Variants in WFDC2 observed in about 807,000 individuals in gnomAD.
WFDC2 encodes WAP four-disulfide core domain 2, also known as WAP four-disulfide core domain protein 2.
Under a neutral mutation model 12.5 loss-of-function variants are expected in WFDC2, and 8 were observed. That is an observed-to-expected ratio of 0.64 (90% CI 0.37 to 1.15). WFDC2 has a LOEUF of 1.15. Ranked by LOEUF, WFDC2 falls within the 50% of genes most tolerant of loss-of-function variation. The pLI, the probability that WFDC2 is intolerant of heterozygous loss-of-function variation, is 0.01. For synonymous variants in WFDC2, 74 were observed against 67.2 expected, an observed-to-expected ratio of 1.10 and a Z score of -0.49; for missense variants, 166 against 159.9, an observed-to-expected ratio of 1.04 and a Z score of -0.21.
intron 2 of WFDC2, among the ~76,000 whole-genome samples, chr20:45,478,840 G>A (rs749592197): frequency 2.6e-4 from 39 of 152,000 alleles, no homozygotes; most frequent in African/African-American, 6.5e-4. Context: ...CCTGACCTCC[G>A]ATGATCCCAC....
intron 2 of WFDC2, chr20:45,471,326 G>A: frequency 1.3e-5 from 5 of 371,172 alleles, no homozygotes; most frequent in South Asian, 9.9e-5. Flanking sequence ...CAGAACAGGG[G>A]GTGGCTTAAA....
At chr20:45,477,773 C>A (rs567553925) in intron 2 of WFDC2, among the ~76,000 whole-genome samples, 3 of 152,236 alleles carry the variant, frequency 2.0e-5, no homozygotes, top group Non-Finnish European at 4.4e-5. Context: ...TGCCCCTTCC[C>A]CCAGGTGCTC....
In WFDC2 at chr20:45,479,772, G is replaced by C. The variant is rs79029805; in HGVS notation, c.224-170G>C. On this transcript the variant is annotated intron_variant, in intron 2 of 3. Coordinates refer to ENST00000372676, the MANE Select transcript of WFDC2 (RefSeq NM_006103.4). ...GGAGCAGGAGGAGGGATTTGCAGGT[G>C]ATCTTCCTGGGCCTCCTGAGAGCAG... 7.3e-4 allele frequency: 1,182 copies of C among 1,613,904 alleles called. 10 individuals carry two copies. The African/African-American group carries it at 0.014, about 20-fold the overall frequency.
In WFDC2 at chr20:45,469,787, T is replaced by C; in HGVS notation, c.6T>C (p.Pro2=). ...CCCCGCCCGGGCATAGCACCATGCC[T>C]GCTTGTCGCCTAGGCCCGCTAGCCG... The part of the protein sequence containing the change: M[P]ACRLGPLAAA... Residue 2 remains proline (P), a synonymous_variant, in exon 1 of 4, where the codon CCT becomes CCC. Transcript: ENST00000372676. 2 of 1,605,282 alleles carry C rather than the reference T, an allele frequency of 1.2e-6. No homozygotes were observed. Among genetic ancestry groups the C allele is most frequent in the Non-Finnish European group, 1.7e-6 (2 of 1,175,740 alleles).
intron 2 of WFDC2, among the ~76,000 whole-genome samples, chr20:45,477,733 C>T (rs55818401): frequency 6.9e-4 from 105 of 151,786 alleles, no homozygotes; most frequent in African/African-American, 2.2e-3. Context: ...TCTTCAGAAC[C>T]GGCAGGCAGG....
rs762571477 is a variant in WFDC2, at chr20:45,470,500, C to T, written c.191C>T (p.Ala64Val). 1.1e-5 allele frequency: 18 copies of T among 1,599,294 alleles called. No homozygotes were observed. The South Asian group carries it at 1.5e-4, about 13-fold the overall frequency. Residue 64 changes from alanine (A) to valine (V), a missense_variant, in exon 2 of 4, where the codon GCG becomes GTG. Coordinates refer to ENST00000372676, the MANE Select transcript of WFDC2 (RefSeq NM_006103.4). This position sits in a 1 kb window ranked among gnomAD's most constrained non-coding sequence, Gnocchi z 5.4. ...ECADNLKCCSAGCATFCSLPN... is the reference protein window; with the variant it reads ...ECADNLKCCSVGCATFCSLPN... The stretch of plus-strand genomic sequence containing the variant: ...GCCGACAACCTCAAGTGCTGCAGCG[C>T]GGGCTGTGCCACCTTCTGCTCTCTG...
At chr20:45,473,692 TA>T (rs1476521972) in intron 2 of WFDC2, among the ~76,000 whole-genome samples, 1 of 152,216 alleles carries the variant, frequency 6.6e-6, no homozygotes, top group Non-Finnish European at 1.5e-5. Flanking sequence ...ATATGAAATT[TA>T]AAGTCGTTTT....
chr20:45,476,043 A>G (rs990186247), intron 2 of WFDC2, among the ~76,000 whole-genome samples: 26 of 151,972 alleles, frequency 1.7e-4, no homozygotes, highest in African/African-American at 6.0e-4. Flanking sequence ...ATATTCCTCT[A>G]TCCCTTTATT....
At chr20:45,472,580 T>C (rs923603494) in intron 2 of WFDC2, among the ~76,000 whole-genome samples, 1 of 132,984 alleles carries the variant, frequency 7.5e-6, no homozygotes, top group African/African-American at 2.9e-5. Flanking sequence ...AATAAACCTA[T>C]GTGTGCATGT....
At position 45,470,371 on chromosome 20, in the gene WFDC2, C is replaced by A; in HGVS notation, c.80-18C>A. The stretch of plus-strand genomic sequence containing the variant: ...GCGCTACGCCCCACCCTCGACTGTC[C>A]CGGGCCTCCCCTCCCAGGCACAGGA... On this transcript the variant is annotated intron_variant, in intron 1 of 3. Transcript: ENST00000372676. The surrounding 1 kb of genome is among the most constrained non-coding windows in gnomAD (Gnocchi z 5.4). The A allele has an allele frequency of 6.4e-7, 1 of 1,570,712 alleles. No homozygotes were observed. Among genetic ancestry groups the A allele is most frequent in the Non-Finnish European group, 8.6e-7 (1 of 1,156,940 alleles).
At chr20:45,471,632 CA>C (rs1991173641) in intron 2 of WFDC2, among the ~76,000 whole-genome samples, 1 of 152,028 alleles carries the variant, frequency 6.6e-6, no homozygotes, top group South Asian at 2.1e-4. Flanking sequence ...AGAGGAGGAC[CA>C]GAAGGAGAGA....
chr20:45,471,553 A>T (rs1235735836), intron 2 of WFDC2: 1 of 155,680 alleles, frequency 6.4e-6, no homozygotes. Flanking sequence ...GGGAGGTGGT[A>T]AGTGGAGGGG....
intron 2 of WFDC2, among the ~76,000 whole-genome samples, chr20:45,474,609 G>A (rs1037383485): frequency 1.3e-5 from 2 of 152,178 alleles, no homozygotes; most frequent in Non-Finnish European, 2.9e-5. Flanking sequence ...TCGCACTGAT[G>A]TTCATCAGGG....
chr20:45,479,595 T>C (rs1991274040), intron 2 of WFDC2: 4 of 1,334,876 alleles, frequency 3.0e-6, no homozygotes, highest in Non-Finnish European at 2.2e-6. Flanking sequence ...AGAAATAATA[T>C]ATGTTTGTTT....
intron 2 of WFDC2, chr20:45,479,513 A>C (rs1263208293): frequency 3.0e-6 from 2 of 670,456 alleles, no homozygotes; most frequent in Admixed American, 2.5e-5. Flanking sequence ...GATACCTGGC[A>C]TGTAATAAGA....
At chr20:45,473,983 C>T (rs1226010104) in intron 2 of WFDC2, among the ~76,000 whole-genome samples, 1 of 151,294 alleles carries the variant, frequency 6.6e-6, no homozygotes, top group African/African-American at 2.4e-5. Flanking sequence ...GGCTCTCTGT[C>T]TATTATTGGT....
chr20:45,478,472 C>T (rs577932718), intron 2 of WFDC2, among the ~76,000 whole-genome samples: 3 of 152,246 alleles, frequency 2.0e-5, no homozygotes, highest in East Asian at 1.9e-4. Flanking sequence ...TACTTCTGCT[C>T]GCCCTCCGTG....
chr20:45,470,408 T>G lies in WFDC2; in HGVS notation c.99T>G (p.Thr33=). The stretch of plus-strand genomic sequence containing the variant: ...TCCCAGGCACAGGAGCAGAGAAGAC[T>G]GGCGTGTGCCCCGAGCTCCAGGCTG... The part of the protein sequence containing the change: ...TLVSGTGAEK[T]GVCPELQADQ... The change falls in exon 2 of 4, where the codon ACT becomes ACG. Residue 33 remains threonine (T), a synonymous_variant. Transcript: ENST00000372676. This position sits in a 1 kb window ranked among gnomAD's most constrained non-coding sequence, Gnocchi z 5.4. 2 of 1,590,112 alleles carry G rather than the reference T, an allele frequency of 1.3e-6. No homozygotes were observed. Among genetic ancestry groups the G allele is most frequent in the South Asian group, 2.3e-5 (2 of 87,610 alleles).
At chr20:45,480,210 A>G in intron 3 of WFDC2, 116 bp downstream of exon 3, 1 of 1,451,166 alleles carries the variant, frequency 6.9e-7, no homozygotes, top group Non-Finnish European at 9.4e-7. Flanking sequence ...TGGGAAAGGT[A>G]TACCAGTGGG....
Sources: gnomAD v4.1 joint callset for allele counts (sites outside exome capture counted in the v4.1 genomes callset) on GRCh38, gnomAD v4.1.1 for gene constraint, Gnocchi (gnomAD v3.1) non-coding constraint, MANE v1.5 for transcripts, NCBI Gene and HGNC (gene_info 2026-07-23, HGNC 2026-07-21) for gene names.